Variants in LRRIQ1 observed in about 807,000 individuals in gnomAD.
LRRIQ1 encodes leucine rich repeats and IQ motif containing 1.
A neutral mutation model predicts 211.9 loss-of-function variants in LRRIQ1; 210 were observed. That is an observed-to-expected ratio of 0.99 (90% CI 0.89 to 1.11). LRRIQ1 has a LOEUF of 1.11. Ranked by LOEUF, LRRIQ1 falls within the 50% of genes most tolerant of loss-of-function variation. The pLI is 0.00. For synonymous variants in LRRIQ1, 699 were observed against 650.1 expected (o/e 1.08, Z -1.14); for missense variants, 2,136 against 1,939.5 (o/e 1.10, Z -1.90).
chr12:85,191,547 A>G (rs1383494387), intron 24 of LRRIQ1, among the ~76,000 whole-genome samples: 1 of 152,022 alleles, frequency 6.6e-6, no homozygotes, highest in East Asian at 1.9e-4. Context: ...GAAGTACCAC[A>G]GTTTATGTAA....
intron 24 of LRRIQ1, among the ~76,000 whole-genome samples, chr12:85,168,319 C>T (rs1167157921): frequency 6.6e-6 from 1 of 152,120 alleles, no homozygotes; most frequent in South Asian, 2.1e-4. Flanking sequence ...TCCTGTCCCA[C>T]TCATATTCCG....
chr12:85,039,612 A>G (rs966497908), intron 2 of LRRIQ1, among the ~76,000 whole-genome samples: 1 of 151,678 alleles, frequency 6.6e-6, no homozygotes, highest in African/African-American at 2.4e-5. Context: ...ACTGAATTCC[A>G]TTAGTTAGGA....
chr12:85,047,971 G>C, intron 6 of LRRIQ1: 1 of 154,168 alleles, frequency 6.5e-6, no homozygotes, highest in Non-Finnish European at 1.4e-5. Flanking sequence ...CATTTCTGTC[G>C]TATGTGTTGT....
intron 24 of LRRIQ1, among the ~76,000 whole-genome samples, chr12:85,206,600 TG>T (rs2137045630): frequency 6.6e-6 from 1 of 152,038 alleles, no homozygotes; most frequent in Non-Finnish European, 1.5e-5. Context: ...TGCTCCTGCA[TG>T]AGTGATTGCT....
chr12:85,178,359 G>A (rs888792285), intron 24 of LRRIQ1, among the ~76,000 whole-genome samples: 6 of 151,922 alleles, frequency 3.9e-5, no homozygotes, highest in Admixed American at 1.3e-4. Flanking sequence ...CCACTATCCC[G>A]TTCATCTGTC....
rs890759205 is a variant in LRRIQ1 at position 85,160,515 on chromosome 12, AT to A, written c.4721-88del. Reference sequence around the variant, plus strand: ...AATTTCATAGAGCTTTATAAAGTGGATTTTTTTTTTACTACCACCATATAAG... The same window carrying A: ...AATTTCATAGAGCTTTATAAAGTGGATTTTTTTTTACTACCACCATATAAG... On this transcript the variant is annotated intron_variant, in intron 23 of 26. Transcript: ENST00000393217. 9.3e-3 allele frequency: 5,704 copies of A among 610,756 alleles called. 1 individual carries two copies. Among genetic ancestry groups the A allele is most frequent in the South Asian group, 0.013 (504 of 38,464 alleles). The allele number at this position is 610,756 out of a possible 1,614,324, so 37.8% of individuals were successfully genotyped here.
At chr12:85,229,729 A>G (rs1894842631) in intron 25 of LRRIQ1, 80 bp downstream of exon 25, 1 of 1,425,584 alleles carries the variant, frequency 7.0e-7, no homozygotes, top group South Asian at 1.2e-5. Context: ...TTGTGCTAAA[A>G]CAAACATGAC....
At chr12:85,126,293 T>G (rs1424775383) in intron 17 of LRRIQ1, among the ~76,000 whole-genome samples, 1 of 152,134 alleles carries the variant, frequency 6.6e-6, no homozygotes, top group Admixed American at 6.5e-5. Flanking sequence ...TTACAAGAAA[T>G]TCACAGTTAC....
chr12:85,137,781 A>C, intron 18 of LRRIQ1, 69 bp from the exon 19 acceptor site: 2 of 1,340,020 alleles, frequency 1.5e-6, no homozygotes, highest in Non-Finnish European at 1.0e-6. Flanking sequence ...TCCTAATGGG[A>C]TAACACAGAT....
intron 24 of LRRIQ1, among the ~76,000 whole-genome samples, chr12:85,209,222 A>C (rs1344596647): frequency 6.6e-6 from 1 of 152,200 alleles, no homozygotes; most frequent in Non-Finnish European, 1.5e-5. Context: ...AAGAGGTTTA[A>C]TTCACTGACA....
intron 13 of LRRIQ1, among the ~76,000 whole-genome samples, chr12:85,099,742 G>A (rs995407524): frequency 6.6e-5 from 10 of 151,488 alleles, no homozygotes; most frequent in African/African-American, 2.4e-4. Context: ...CAAAACACAC[G>A]AATAAGGACA....
At position 85,102,871 on chromosome 12, in the gene LRRIQ1, T is replaced by A. The variant is rs1220855494; in HGVS notation, c.3210-1133T>A. Among the ~76,000 whole-genome samples, 5 of 148,416 alleles carry A rather than the reference T, an allele frequency of 3.4e-5. No homozygotes were observed. The Admixed American group carries it at 3.4e-4, about 10-fold the overall frequency. Reference sequence around the variant, plus strand: ...ATTTATTTTGTAACAGAGATAGACCTTGAGCCAAAGCATATTTTGAACAGC... The same window carrying A: ...ATTTATTTTGTAACAGAGATAGACCATGAGCCAAAGCATATTTTGAACAGC... On this transcript the variant is annotated intron_variant, in intron 13 of 26. Transcript: ENST00000393217.
At chr12:85,251,777 C>CA (rs11415458) in intron 1 of LRRIQ1, among the ~76,000 whole-genome samples, 2,578 of 116,660 alleles carry the variant, frequency 0.022, 47 homozygotes, top group African/African-American at 0.045. Flanking sequence ...AGAAGTGGCG[C>CA]AAAAAAAAAA....
intron 13 of LRRIQ1, among the ~76,000 whole-genome samples, chr12:85,100,005 A>G (rs898365253): frequency 5.3e-5 from 8 of 151,840 alleles, no homozygotes; most frequent in African/African-American, 1.9e-4. Context: ...ATCAGATAAT[A>G]CTGTGTAAGT....
At chr12:85,194,637 C>T (rs1335314516) in intron 24 of LRRIQ1, among the ~76,000 whole-genome samples, 1 of 151,844 alleles carries the variant, frequency 6.6e-6, no homozygotes, top group Non-Finnish European at 1.5e-5. Context: ...AGAACAAAGA[C>T]ACAACATACC....
intron 7 of LRRIQ1, 113 bp downstream of exon 7, chr12:85,052,364 G>T: frequency 5.9e-6 from 3 of 505,454 alleles, no homozygotes; most frequent in Non-Finnish European, 1.1e-5. Context: ...TAAGATTTTA[G>T]TTTATTACAG....
Position 85,153,765 on chromosome 12 carries a change from A to G in LRRIQ1, c.4637+7A>G. On this transcript the variant is annotated splice_region_variant and intron_variant, in intron 22 of 26. Transcript: ENST00000393217. ...AAAAAATTTCAGAAGAATGGTATGTAGTCAATTTGACACTAATAAATTAAA... is the reference window on the plus strand; with the variant it reads ...AAAAAATTTCAGAAGAATGGTATGTGGTCAATTTGACACTAATAAATTAAA... 2.7e-6 allele frequency: 4 copies of G among 1,484,376 alleles called. No individual in the cohort carries two copies. In the Middle Eastern group the frequency reaches 5.3e-4, roughly 196 times the overall value. The allele number at this position is 1,484,376 out of a possible 1,614,324, so 92.0% of individuals were successfully genotyped here.
chr12:85,124,525 A>G lies in LRRIQ1; in HGVS notation c.4007+6A>G. 1 of 1,587,346 alleles carries G rather than the reference A, an allele frequency of 6.3e-7. No homozygotes were observed. On this transcript the variant is annotated splice_donor_region_variant and intron_variant, in intron 17 of 26. Transcript: ENST00000393217. ...ATTGAGCCTAGTGAAAAAATGTAAG[A>G]TATATAAATAATGTTTCTTTTATAG...
chr12:85,173,848 A>G (rs1292507667), intron 24 of LRRIQ1, among the ~76,000 whole-genome samples: 1 of 152,114 alleles, frequency 6.6e-6, no homozygotes, highest in Non-Finnish European at 1.5e-5. Context: ...AAATATTTAG[A>G]CCATAGCACC....
Sources: gnomAD v4.1 joint callset for allele counts (sites outside exome capture counted in the v4.1 genomes callset) on GRCh38, gnomAD v4.1.1 for gene constraint, MANE v1.5 for transcripts, NCBI Gene and HGNC (gene_info 2026-07-23, HGNC 2026-07-21) for gene names.